The following RYR3 variants were observed in gnomAD, a reference collection of about 807,000 sequenced individuals.
RYR3 encodes ryanodine receptor 3.
Under a neutral mutation model 584.3 loss-of-function variants are expected in RYR3, and 207 were observed. The observed-to-expected ratio is 0.35, with a 90% CI of 0.32 to 0.40. RYR3 has a LOEUF of 0.40. Ranked by LOEUF, RYR3 falls within the 10% of genes least tolerant of loss-of-function variation. RYR3 has a pLI of 1.00. For synonymous variants in RYR3, 2,416 were observed against 2,248.5 expected (o/e 1.07, Z -2.11); for missense variants, 5,616 against 6,089.2 (o/e 0.92, Z 2.59).
At chr15:33,753,911 G>A (rs9672287) in intron 57 of RYR3, among the ~76,000 whole-genome samples, 28,277 of 152,142 alleles carry the variant, frequency 0.19, 2,652 homozygotes, top group South Asian at 0.26. Context: ...CAAGGAAATA[G>A]GAGGAAATCA....
intron 32 of RYR3, among the ~76,000 whole-genome samples, chr15:33,655,655 C>T (rs1042117880): frequency 2.0e-5 from 3 of 152,084 alleles, no homozygotes; most frequent in Non-Finnish European, 2.9e-5. Context: ...CCCTGCTCAG[C>T]GATCCCAGTC....
In RYR3 at chr15:33,768,706, T is replaced by G. The variant is rs754517274; in HGVS notation, c.8754T>G (p.Phe2918Leu). ...AALVRHRISL[F>L]GSDSTTMVSC... Reference sequence around the variant, plus strand: ...TCGTTAGACACAGAATTTCCCTCTTTGGTAAGTGAAGTGTTGCTCAAGGTA... The same window carrying G: ...TCGTTAGACACAGAATTTCCCTCTTGGGTAAGTGAAGTGTTGCTCAAGGTA... Residue 2918 changes from phenylalanine to leucine, a missense_variant and splice_region_variant, in exon 61 of 104, where the codon TTT becomes TTG. Coordinates refer to ENST00000634891, the MANE Select transcript of RYR3 (RefSeq NM_001036.6). 2 of 1,613,864 alleles carry G rather than the reference T, an allele frequency of 1.2e-6. No individual in the cohort carries two copies.
chr15:33,524,538 A>C (rs1484925124), intron 3 of RYR3, among the ~76,000 whole-genome samples: 2 of 152,202 alleles, frequency 1.3e-5, no homozygotes, highest in Non-Finnish European at 2.9e-5. Context: ...CCAGAAGCAG[A>C]ATCACTACAG....
chr15:33,813,163 G>A (rs2076636542), intron 73 of RYR3, among the ~76,000 whole-genome samples, 169 bp downstream of exon 73: 1 of 152,134 alleles, frequency 6.6e-6, no homozygotes, highest in African/African-American at 2.4e-5. Context: ...CCTGTGATAG[G>A]AGACCTCTCC....
intron 3 of RYR3, among the ~76,000 whole-genome samples, chr15:33,520,823 A>G (rs778420685): frequency 1.3e-5 from 2 of 152,198 alleles, no homozygotes; most frequent in Non-Finnish European, 2.9e-5. Context: ...TTGGAGGCAT[A>G]CCAGTGACCA....
chr15:33,539,636 AAAATT>A (rs1382837336), intron 6 of RYR3, among the ~76,000 whole-genome samples, 174 bp downstream of exon 6: 3 of 152,156 alleles, frequency 2.0e-5, no homozygotes, highest in African/African-American at 7.2e-5. Context: ...GGCACAATAA[AAAATT>A]AAAGTGTAAC....
rs1471080544 is a variant in RYR3 at position 33,401,465 on chromosome 15, C to T, written c.52-71954C>T. ...TCCAAATCTTACATTCAGCATTCAG[C>T]ACTATTCAGCGCCTATCACTGCCAG... is the stretch of plus-strand genomic sequence containing the variant. On this transcript the variant is annotated intron_variant, in intron 1 of 103. Transcript: ENST00000634891. 3.9e-5 allele frequency among the ~76,000 whole-genome samples: 6 copies of T among 152,280 alleles called. No individual in the cohort carries two copies. In the South Asian group the frequency reaches 1.2e-3, roughly 32 times the overall value.
chr15:33,863,086 G>C (rs1889039120), intron 102 of RYR3, among the ~76,000 whole-genome samples: 1 of 152,136 alleles, frequency 6.6e-6, no homozygotes, highest in African/African-American at 2.4e-5. Context: ...CTTTGGGTTG[G>C]AACCCCTTCT....
chr15:33,853,652 C>A lies in RYR3; in HGVS notation c.13769C>A (p.Thr4590Asn), dbSNP rs371603240. 1 of 1,613,880 alleles carries A rather than the reference C, an allele frequency of 6.2e-7. No individual in the cohort carries two copies. The highest frequency in any genetic ancestry group is 1.6e-4 in the Middle Eastern group (1 of 6,062). Residue 4590 changes from threonine to asparagine, a missense_variant, in exon 96 of 104, where the codon ACC (threonine) becomes AAC (asparagine). Transcript: ENST00000634891. ...CTTGACTTTAGCCCAGTAGAAGAGA[C>A]CAAAGCAGAAGCGGCTTCTCTGGTG... Reference protein sequence around the residue: ...NALDFSPVEETKAEAASLVSW... With the variant: ...NALDFSPVEENKAEAASLVSW...
In RYR3 at chr15:33,838,289, T is replaced by C; in HGVS notation, c.12309T>C (p.Ser4103=). 12 of 1,614,018 alleles carry C rather than the reference T, an allele frequency of 7.4e-6. No homozygotes were observed. Among genetic ancestry groups the C allele is most frequent in the South Asian group, 1.1e-5 (1 of 91,078 alleles). ...IFEMQLASQI[S]ESDSADRPEE... ...AAATGCAGTTAGCATCTCAGATCTCTGAATCCGATTCAGCTGACAGGCCAG... is the reference window on the plus strand; with the variant it reads ...AAATGCAGTTAGCATCTCAGATCTCCGAATCCGATTCAGCTGACAGGCCAG... The change falls in exon 89 of 104, where the codon TCT becomes TCC. Residue 4103 remains serine, a synonymous_variant. Transcript: ENST00000634891.
intron 1 of RYR3, among the ~76,000 whole-genome samples, chr15:33,384,434 A>T (rs2041423362): frequency 1.4e-5 from 2 of 147,564 alleles, no homozygotes; most frequent in African/African-American, 2.5e-5. Context: ...TTTGGTCATT[A>T]TTATTTTAAT....
At position 33,663,529 on chromosome 15, in the gene RYR3, C is replaced by G. The variant is rs183255287; in HGVS notation, c.5419-8C>G. The G allele has an allele frequency of 3.8e-5, 62 of 1,612,152 alleles. No individual in the cohort carries two copies. The East Asian group carries it at 1.2e-3, about 32-fold the overall frequency. On this transcript the variant is annotated splice_region_variant and splice_polypyrimidine_tract_variant and intron_variant, in intron 35 of 103. Transcript: ENST00000634891. ...CAAAGTGTTATCTATATAATACTTTCATTGCAGATGTGTGAGCTCCTCAGC... is the reference window on the plus strand; with the variant it reads ...CAAAGTGTTATCTATATAATACTTTGATTGCAGATGTGTGAGCTCCTCAGC...
intron 60 of RYR3, among the ~76,000 whole-genome samples, chr15:33,767,138 C>G (rs2073142446): frequency 1.3e-5 from 2 of 152,200 alleles, no homozygotes; most frequent in African/African-American, 4.8e-5. Context: ...CTGAGTTTAC[C>G]TGCCCCTAAC....
chr15:33,362,796 A>G (rs1288872898), intron 1 of RYR3, among the ~76,000 whole-genome samples: 1 of 152,200 alleles, frequency 6.6e-6, no homozygotes, highest in African/African-American at 2.4e-5. Context: ...GCAAAACACA[A>G]GAGTCATCCT....
At chr15:33,527,032 T>C (rs1324618230) in intron 3 of RYR3, among the ~76,000 whole-genome samples, 1 of 152,020 alleles carries the variant, frequency 6.6e-6, no homozygotes, top group Non-Finnish European at 1.5e-5. Context: ...CATGCGTGTC[T>C]GAAAAACAGA....
chr15:33,814,158 G>C (rs1233782906), intron 74 of RYR3, among the ~76,000 whole-genome samples: 1 of 152,194 alleles, frequency 6.6e-6, no homozygotes, highest in East Asian at 1.9e-4. Context: ...AGCTTTTGCT[G>C]AAAAGTCTGG....
chr15:33,729,504 G>A (rs971356552), intron 47 of RYR3, among the ~76,000 whole-genome samples: 1 of 152,022 alleles, frequency 6.6e-6, no homozygotes, highest in African/African-American at 2.4e-5. Context: ...TCACACTCTC[G>A]CTTCTTAGTT....
chr15:33,544,945 G>C (rs2141189506), intron 8 of RYR3, among the ~76,000 whole-genome samples: 1 of 152,180 alleles, frequency 6.6e-6, no homozygotes, highest in South Asian at 2.1e-4. Context: ...GTGTGATCCT[G>C]TTCACTTGTG....
At chr15:33,374,467 T>C (rs1169078778) in intron 1 of RYR3, among the ~76,000 whole-genome samples, 1 of 152,150 alleles carries the variant, frequency 6.6e-6, no homozygotes, top group Non-Finnish European at 1.5e-5. Flanking sequence ...AGATCTCATT[T>C]TTCCTCAATT....
Sources: gnomAD v4.1 joint callset for allele counts (sites outside exome capture counted in the v4.1 genomes callset) on GRCh38, gnomAD v4.1.1 for gene constraint, MANE v1.5 for transcripts, NCBI Gene and HGNC (gene_info 2026-07-23, HGNC 2026-07-21) for gene names.